GAS7: variants seen among roughly 807,000 people sequenced by gnomAD.
GAS7 encodes growth arrest specific 7.
Under a neutral mutation model 71.1 loss-of-function variants are expected in GAS7, and 28 were observed. The ratio of observed to expected loss-of-function variants is 0.39; its 90% CI spans 0.29 to 0.54. The LOEUF (loss-of-function observed/expected upper bound fraction) is 0.54, where lower values mean the gene tolerates loss of function less well. GAS7 is among the 20% of genes least tolerant of loss of function. The pLI is 0.62. For synonymous variants in GAS7, 258 were observed against 245.8 expected, an observed-to-expected ratio of 1.05 and a Z score of -0.46; for missense variants, 436 against 627.8, an observed-to-expected ratio of 0.69 and a Z score of 3.27.
At chr17:10,146,707 G>A (rs997005218) in intron 1 of GAS7, among the ~76,000 whole-genome samples, 12 of 152,174 alleles carry the variant, frequency 7.9e-5, no homozygotes, top group East Asian at 3.9e-4. Context: ...ATCTCTGGCC[G>A]GGCGCGGTGG....
chr17:10,192,236 G>A (rs1001643948), intron 1 of GAS7, among the ~76,000 whole-genome samples: 2 of 152,144 alleles, frequency 1.3e-5, no homozygotes, highest in African/African-American at 2.4e-5. Flanking sequence ...CAGAAGCCTC[G>A]CCATTGCAGG....
At chr17:9,958,087 C>T (rs77645886) in intron 5 of GAS7, among the ~76,000 whole-genome samples, 3,028 of 152,240 alleles carry the variant, frequency 0.02, 94 homozygotes, top group African/African-American at 0.064. Context: ...ATCCCTAAGG[C>T]AGAGACCACC....
intron 1 of GAS7, among the ~76,000 whole-genome samples, chr17:10,041,117 G>A (rs1257494805): frequency 2.0e-5 from 3 of 149,360 alleles, no homozygotes; most frequent in South Asian, 2.1e-4. Flanking sequence ...AGCCAAGATC[G>A]TGCAGCTGCA....
chr17:10,145,630 G>A (rs1419576510), intron 1 of GAS7, among the ~76,000 whole-genome samples: 3 of 152,222 alleles, frequency 2.0e-5, no homozygotes, highest in Non-Finnish European at 2.9e-5. Context: ...ATGGGTTCAG[G>A]GGGCATTGGC....
intron 1 of GAS7, among the ~76,000 whole-genome samples, chr17:10,073,777 G>A (rs747330037): frequency 1.3e-5 from 2 of 152,170 alleles, no homozygotes; most frequent in African/African-American, 4.8e-5. Context: ...AGTTTCAGTC[G>A]AGGCATCTCA....
chr17:10,035,022 C>T (rs2072712889), intron 1 of GAS7, among the ~76,000 whole-genome samples: 2 of 152,032 alleles, frequency 1.3e-5, no homozygotes, highest in African/African-American at 4.8e-5. Context: ...CACATTACAC[C>T]CCTAACACAC....
intron 1 of GAS7, among the ~76,000 whole-genome samples, chr17:10,195,128 CT>C (rs1250839424): frequency 1.3e-5 from 2 of 152,084 alleles, no homozygotes; most frequent in East Asian, 3.9e-4. Flanking sequence ...TGAGGTTTTC[CT>C]GGAAGCTGCT....
In GAS7 at chr17:10,017,788, C is replaced by G. The variant is rs533921477; in HGVS notation, c.304+1989G>C. The stretch of plus-strand genomic sequence containing the variant: ...TAAAGCTGAGTGGCTGGGATGGAGA[C>G]CATGTGACCCTCAAAGCCTACATAC... On this transcript the variant is annotated intron_variant, in intron 2 of 13. Coordinates refer to ENST00000432992, the MANE Select transcript of GAS7 (RefSeq NM_201433.2). 6.6e-5 allele frequency among the ~76,000 whole-genome samples: 10 copies of G among 152,306 alleles called. No homozygotes were observed. The South Asian group carries it at 2.1e-3, about 32-fold the overall frequency.
intron 2 of GAS7, among the ~76,000 whole-genome samples, chr17:9,995,085 G>A (rs1251194301): frequency 6.6e-6 from 1 of 152,228 alleles, no homozygotes; most frequent in Non-Finnish European, 1.5e-5. Context: ...CAGCAGGGGG[G>A]CTCACAGTAT....
At chr17:10,051,843 C>T (rs991478548) in intron 1 of GAS7, among the ~76,000 whole-genome samples, 1 of 152,126 alleles carries the variant, frequency 6.6e-6, no homozygotes, top group Non-Finnish European at 1.5e-5. Flanking sequence ...GCAGGAAAAA[C>T]GGGTTAAGTT....
rs1255151632 is a variant in GAS7, at chr17:9,919,800, C to G, written c.1139-95G>C. Reference sequence around the variant, plus strand: ...CCCCACAGCCAAGCCTTCTCCTCCCCCTGGGGTCATGGTGGCCGCTGGAAA... The same window carrying G: ...CCCCACAGCCAAGCCTTCTCCTCCCGCTGGGGTCATGGTGGCCGCTGGAAA... On this transcript the variant is annotated intron_variant, in intron 11 of 13. Transcript: ENST00000432992. The surrounding 1 kb of genome is among the most constrained non-coding windows in gnomAD (Gnocchi z 5.0). 2 of 923,426 alleles carry G rather than the reference C, an allele frequency of 2.2e-6. No homozygotes were observed. Among genetic ancestry groups the G allele is most frequent in the Non-Finnish European group, 3.6e-6 (2 of 557,124 alleles). 57.2% of individuals were successfully genotyped at this position (923,426 alleles called of 1,614,324 possible).
chr17:10,100,688 C>G (rs1194747905), intron 1 of GAS7, among the ~76,000 whole-genome samples: 1 of 152,152 alleles, frequency 6.6e-6, no homozygotes, highest in African/African-American at 2.4e-5. Context: ...TGCTAGGTGA[C>G]TTTCCTGGTT....
intron 1 of GAS7, among the ~76,000 whole-genome samples, chr17:10,111,640 C>G (rs1015534662): frequency 6.6e-6 from 1 of 151,998 alleles, no homozygotes. Flanking sequence ...GCCGAGATCA[C>G]GCCACTGCAC....
chr17:10,012,073 G>T (rs1387463748), intron 2 of GAS7, among the ~76,000 whole-genome samples: 1 of 150,632 alleles, frequency 6.6e-6, no homozygotes, highest in African/African-American at 2.4e-5. Flanking sequence ...AGTATAAAAA[G>T]ATTAATAAAT....
chr17:10,041,765 G>C (rs561976786), intron 1 of GAS7, among the ~76,000 whole-genome samples: 1 of 152,116 alleles, frequency 6.6e-6, no homozygotes, highest in Non-Finnish European at 1.5e-5. Context: ...CAAATAGATA[G>C]GTTGCTACAT....
chr17:9,938,733 A>T (rs1368635399), intron 8 of GAS7, among the ~76,000 whole-genome samples: 1 of 151,876 alleles, frequency 6.6e-6, no homozygotes, highest in African/African-American at 2.4e-5. Flanking sequence ...ATGAATACAC[A>T]CCCCAAAAGG....
intron 1 of GAS7, among the ~76,000 whole-genome samples, chr17:10,142,523 C>T (rs1227384336): frequency 6.6e-6 from 1 of 152,082 alleles, no homozygotes; most frequent in Non-Finnish European, 1.5e-5. Flanking sequence ...AGCGCACCAC[C>T]ACTACCAGCT....
chr17:10,117,016 TCAAA>T (rs1427647966), intron 1 of GAS7, among the ~76,000 whole-genome samples: 14 of 152,266 alleles, frequency 9.2e-5, no homozygotes, highest in Middle Eastern at 6.9e-3. Context: ...CTAACGGGCT[TCAAA>T]CAATGAAAAT....
intron 1 of GAS7, among the ~76,000 whole-genome samples, chr17:10,182,014 C>A (rs943393713): frequency 6.6e-6 from 1 of 152,188 alleles, no homozygotes; most frequent in Non-Finnish European, 1.5e-5. Context: ...GGGGAAGGAA[C>A]CCTCAGTTCC....
Sources: gnomAD v4.1 joint callset for allele counts (sites outside exome capture counted in the v4.1 genomes callset) on GRCh38, gnomAD v4.1.1 for gene constraint, Gnocchi (gnomAD v3.1) non-coding constraint, MANE v1.5 for transcripts, NCBI Gene and HGNC (gene_info 2026-07-23, HGNC 2026-07-21) for gene names.